Variants in CLIP1 observed in about 807,000 individuals in gnomAD.
The protein encoded by CLIP1 is CAP-Gly domain-containing linker protein 1.
CLIP1 carries 66 observed loss-of-function variants against 161.6 expected under a neutral mutation model. The observed-to-expected ratio is 0.41, with a 90% CI of 0.33 to 0.50. The LOEUF (loss-of-function observed/expected upper bound fraction) is 0.50. Ranked by LOEUF, CLIP1 falls within the 20% of genes least tolerant of loss-of-function variation. CLIP1 has a pLI of 0.27. For synonymous variants in CLIP1, 598 were observed against 626.2 expected, an observed-to-expected ratio of 0.96 and a Z score of 0.67; for missense variants, 1,376 against 1,702.0, an observed-to-expected ratio of 0.81 and a Z score of 3.37.
At chr12:122,411,372 C>A (rs1460559132) in intron 1 of CLIP1, among the ~76,000 whole-genome samples, 1 of 152,200 alleles carries the variant, frequency 6.6e-6, no homozygotes, top group Non-Finnish European at 1.5e-5. Flanking sequence ...GCCGAGATCA[C>A]GCCATTGCAC....
At chr12:122,312,704 C>T (rs186741831) in intron 19 of CLIP1, among the ~76,000 whole-genome samples, 209 of 152,212 alleles carry the variant, frequency 1.4e-3, no homozygotes, top group Non-Finnish European at 1.3e-3. Flanking sequence ...GTGGTGGCTG[C>T]AGTGAGCTGA....
chr12:122,290,228 T>C (rs918680017), intron 20 of CLIP1, among the ~76,000 whole-genome samples: 3 of 152,220 alleles, frequency 2.0e-5, no homozygotes, highest in African/African-American at 7.2e-5. Flanking sequence ...ATACATTATG[T>C]TCTGAACATA....
At chr12:122,280,781 T>A (rs1827187224) in intron 21 of CLIP1, 3 of 152,230 alleles carry the variant, frequency 2.0e-5, no homozygotes. Context: ...ATGACAAAAA[T>A]ACTTTAGGAA....
chr12:122,366,422 G>A (rs535869916), intron 3 of CLIP1, among the ~76,000 whole-genome samples: 1 of 152,140 alleles, frequency 6.6e-6, no homozygotes, highest in African/African-American at 2.4e-5. Flanking sequence ...CAAGGCTGCA[G>A]TGAGCCATGA....
chr12:122,390,172 G>GATAT (rs71082979), intron 1 of CLIP1, among the ~76,000 whole-genome samples: 20,145 of 93,288 alleles, frequency 0.22, 2,759 homozygotes, highest in South Asian at 0.32. Context: ...CACAGTCTCA[G>GATAT]ATATATATAT....
intron 20 of CLIP1, among the ~76,000 whole-genome samples, chr12:122,303,301 G>A (rs188982589): frequency 3.0e-4 from 45 of 152,026 alleles, no homozygotes; most frequent in African/African-American, 1.0e-3. Flanking sequence ...TTGATGTTCC[G>A]TTCTTTCTCT....
At chr12:122,373,385 T>TG (rs746488179) in intron 3 of CLIP1, among the ~76,000 whole-genome samples, 7 of 150,460 alleles carry the variant, frequency 4.7e-5, no homozygotes, top group Non-Finnish European at 8.9e-5. Flanking sequence ...ATTGCGCCAC[T>TG]GCACTCCAAC....
At chr12:122,324,683 G>A (rs954059134) in intron 17 of CLIP1, among the ~76,000 whole-genome samples, 4 of 152,194 alleles carry the variant, frequency 2.6e-5, no homozygotes, top group Non-Finnish European at 5.9e-5. Context: ...TTTAATATCA[G>A]GGCATAAGAT....
chr12:122,352,840 T>TA, intron 7 of CLIP1, 54 bp from the exon 8 acceptor site: 1 of 1,461,298 alleles, frequency 6.8e-7, no homozygotes. Context: ...CACACAGCCT[T>TA]TAAAAAAACA....
intron 1 of CLIP1, among the ~76,000 whole-genome samples, chr12:122,419,215 A>G (rs1956852568): frequency 1.3e-5 from 2 of 151,902 alleles, no homozygotes; most frequent in African/African-American, 4.8e-5. Context: ...TAGTAAAAAT[A>G]CAAACATTAG....
chr12:122,313,706 A>G (rs1951153580), intron 19 of CLIP1, among the ~76,000 whole-genome samples: 1 of 152,050 alleles, frequency 6.6e-6, no homozygotes, highest in African/African-American at 2.4e-5. Context: ...AACAAGAGCA[A>G]AACTCCATTT....
intron 4 of CLIP1, among the ~76,000 whole-genome samples, chr12:122,361,750 G>A (rs1017458802): frequency 6.6e-6 from 1 of 152,082 alleles, no homozygotes; most frequent in African/African-American, 2.4e-5. Flanking sequence ...AGGCTCTCTT[G>A]AGCCCAAGAG....
intron 1 of CLIP1, among the ~76,000 whole-genome samples, chr12:122,421,774 T>C (rs1356745172): frequency 6.6e-6 from 1 of 152,168 alleles, no homozygotes; most frequent in African/African-American, 2.4e-5. Context: ...CAAAACCCGA[T>C]TTTTGAAAGG....
At position 122,377,939 on chromosome 12, in the gene CLIP1, GT is replaced by G. The variant is rs754299695; in HGVS notation, c.106del (p.Thr36ProfsTer31). On this transcript the variant is annotated frameshift_variant, in exon 3 of 26. Coordinates refer to ENST00000620786, the MANE Select transcript of CLIP1 (RefSeq NM_001247997.2). LOFTEE classifies it high-confidence loss of function. ...GCTTGATGCTTTTTCACTGGATATGGTTTTTTCTACTGGAGCTACAACTGAA... is the reference window on the plus strand; with the variant it reads ...GCTTGATGCTTTTTCACTGGATATGGTTTTTCTACTGGAGCTACAACTGAA... The part of the protein sequence containing the change: ...PTAVVAPVEK[T>X]ISSEKASSTP... 6.2e-7 allele frequency: 1 copy of G among 1,609,060 alleles called. No individual in the cohort carries two copies. The highest frequency in any genetic ancestry group is 8.5e-7 in the Non-Finnish European group (1 of 1,178,564).
Position 122,310,255 on chromosome 12 carries a change from T to C in CLIP1, c.3474-373A>G, listed in dbSNP as rs188566130. On this transcript the variant is annotated intron_variant, in intron 19 of 25. Coordinates refer to ENST00000620786, the MANE Select transcript of CLIP1 (RefSeq NM_001247997.2). ...ATGATTTTACTAAAACCCACTTCGT[T>C]GATAAAGTGATTTAATTTGCTGCCA... Among the ~76,000 whole-genome samples, 18 of 152,344 alleles carry C rather than the reference T, an allele frequency of 1.2e-4. No individual in the cohort carries two copies. The South Asian group carries it at 2.1e-3, about 18-fold the overall frequency.
intron 15 of CLIP1, among the ~76,000 whole-genome samples, chr12:122,332,201 A>T (rs909090001): frequency 6.6e-6 from 1 of 151,300 alleles, no homozygotes; most frequent in Non-Finnish European, 1.5e-5. Flanking sequence ...AGGCTGAAGC[A>T]GGAGAATTGC....
In CLIP1 at chr12:122,360,983, G is replaced by C. The variant is rs1473098243; in HGVS notation, c.981C>G (p.Ser327Arg). ...SSMSSVASSVSSRPSRTGLLT... is the reference protein window; with the variant it reads ...SSMSSVASSVRSRPSRTGLLT... ...CTAGTCCTGTCCGACTGGGCCTGCTGCTCACAGAGGAGGCCACTGAGCTCA... is the reference window on the plus strand; with the variant it reads ...CTAGTCCTGTCCGACTGGGCCTGCTCCTCACAGAGGAGGCCACTGAGCTCA... Residue 327 changes from serine to arginine, a missense_variant, in exon 5 of 26, where the codon AGC (serine) becomes AGG (arginine). Ser to Arg is a moderately radical substitution (Grantham distance 110). This residue lies in a region of CLIP1 where 211 missense variants were observed against 295.1 expected (regional missense o/e 0.72). Coordinates refer to ENST00000620786, the MANE Select transcript of CLIP1 (RefSeq NM_001247997.2). 6 of 1,613,622 alleles carry C rather than the reference G, an allele frequency of 3.7e-6. No individual in the cohort carries two copies. In the South Asian group the frequency reaches 6.6e-5, roughly 18 times the overall value.
chr12:122,359,544 T>G (rs1285803985), intron 5 of CLIP1, among the ~76,000 whole-genome samples: 1 of 152,228 alleles, frequency 6.6e-6, no homozygotes, highest in Non-Finnish European at 1.5e-5. Context: ...CACAGGGGTT[T>G]GGGGCTCTTC....
At chr12:122,292,492 T>C (rs1950288070) in intron 20 of CLIP1, among the ~76,000 whole-genome samples, 1 of 152,176 alleles carries the variant, frequency 6.6e-6, no homozygotes, top group Non-Finnish European at 1.5e-5. Flanking sequence ...TGCTTTTTGG[T>C]ACACAAAATA....
Sources: gnomAD v4.1 joint callset for allele counts (sites outside exome capture counted in the v4.1 genomes callset) on GRCh38, gnomAD v4.1.1 for gene constraint, gnomAD v4.1.1 regional missense constraint, MANE v1.5 for transcripts, NCBI Gene and HGNC (gene_info 2026-07-23, HGNC 2026-07-21) for gene names.